GBE1: variants seen among roughly 807,000 people sequenced by gnomAD.
The protein encoded by GBE1 is 1,4-alpha-glucan-branching enzyme.
In GBE1, 70 loss-of-function variants were observed where a neutral mutation model predicts 88.8. The observed-to-expected ratio is 0.79, with a 90% CI of 0.65 to 0.96. The LOEUF (loss-of-function observed/expected upper bound fraction) is 0.96, where lower values mean the gene tolerates loss of function less well. Ranked by LOEUF, GBE1 falls within the 40% of genes least tolerant of loss-of-function variation. The probability of loss-of-function intolerance (pLI) is 0.00; values close to 1 mark genes in which losing one functional copy is unlikely to be tolerated. For missense variants in GBE1, 872 were observed against 871.0 expected, an observed-to-expected ratio of 1.00 and a Z score of -0.01; for synonymous variants, 284 against 300.1, an observed-to-expected ratio of 0.95 and a Z score of 0.56.
intron 7 of GBE1, among the ~76,000 whole-genome samples, chr3:81,633,166 G>A (rs145997480): frequency 6.6e-6 from 1 of 152,266 alleles, no homozygotes; most frequent in East Asian, 1.9e-4. Context: ...TTGTAGTTAT[G>A]TTTCAGAGAA....
intron 2 of GBE1, among the ~76,000 whole-genome samples, chr3:81,673,176 T>G (rs1705211651): frequency 6.6e-6 from 1 of 151,868 alleles, no homozygotes. Flanking sequence ...AATAAAAGCT[T>G]GGAATATAAA....
At chr3:81,542,427 A>G (rs1221171239) in intron 12 of GBE1, among the ~76,000 whole-genome samples, 1 of 152,122 alleles carries the variant, frequency 6.6e-6, no homozygotes, top group Non-Finnish European at 1.5e-5. Context: ...TCTAGGATCA[A>G]ACATTTCCCA....
intron 9 of GBE1, among the ~76,000 whole-genome samples, chr3:81,589,728 A>T (rs1210110234): frequency 6.6e-6 from 1 of 152,032 alleles, no homozygotes; most frequent in East Asian, 1.9e-4. Context: ...GCTGTCATTA[A>T]TTGTTTGTAG....
intron 15 of GBE1, among the ~76,000 whole-genome samples, chr3:81,495,655 C>T (rs962264102): frequency 6.6e-6 from 1 of 152,030 alleles, no homozygotes; most frequent in Non-Finnish European, 1.5e-5. Context: ...TGTATATTAG[C>T]TCATCTAACT....
chr3:81,518,130 A>G (rs1178211704), intron 14 of GBE1, among the ~76,000 whole-genome samples: 5 of 151,402 alleles, frequency 3.3e-5, no homozygotes, highest in Non-Finnish European at 7.4e-5. Flanking sequence ...TTACTAGGTG[A>G]TTATGCACTG....
chr3:81,607,472 T>C (rs1053109363), intron 7 of GBE1, among the ~76,000 whole-genome samples: 2 of 151,904 alleles, frequency 1.3e-5, no homozygotes, highest in Admixed American at 6.6e-5. Flanking sequence ...TCACTTGAAC[T>C]CGGGAGTCAG....
At chr3:81,644,569 C>A (rs541830506) in intron 6 of GBE1, among the ~76,000 whole-genome samples, 15 of 152,232 alleles carry the variant, frequency 9.9e-5, no homozygotes, top group African/African-American at 3.4e-4. Context: ...CCTTGGGAAC[C>A]AGTGTGAGGC....
chr3:81,648,539 C>T (rs942585895), intron 5 of GBE1, among the ~76,000 whole-genome samples: 3 of 152,006 alleles, frequency 2.0e-5, no homozygotes, highest in Admixed American at 6.5e-5. Context: ...TCAATAATCA[C>T]TTAAATTGAT....
At chr3:81,599,937 T>A (rs895783788) in intron 7 of GBE1, among the ~76,000 whole-genome samples, 1 of 152,210 alleles carries the variant, frequency 6.6e-6, no homozygotes, top group African/African-American at 2.4e-5. Context: ...CCTTTTTCAT[T>A]TTTCCCTTCT....
intron 1 of GBE1, among the ~76,000 whole-genome samples, chr3:81,730,635 G>A (rs560265212): frequency 6.6e-6 from 1 of 152,194 alleles, no homozygotes; most frequent in African/African-American, 2.4e-5. Flanking sequence ...CAGAAGCCAG[G>A]AGGACTGCTG....
At chr3:81,606,147 A>G (rs562287086) in intron 7 of GBE1, among the ~76,000 whole-genome samples, 1 of 152,194 alleles carries the variant, frequency 6.6e-6, no homozygotes, top group East Asian at 1.9e-4. Flanking sequence ...TGCGTTTACA[A>G]TGCTAGTGAT....
intron 7 of GBE1, among the ~76,000 whole-genome samples, chr3:81,624,323 T>TA (rs1704373881): frequency 6.6e-6 from 1 of 152,198 alleles, no homozygotes; most frequent in South Asian, 2.1e-4. Flanking sequence ...TTATGGGGAT[T>TA]ATGGAGATTA....
chr3:81,623,456 T>C (rs184259815), intron 7 of GBE1, among the ~76,000 whole-genome samples: 9 of 152,346 alleles, frequency 5.9e-5, no homozygotes, highest in African/African-American at 1.9e-4. Flanking sequence ...TTTTTCTTCA[T>C]AGTACTTGTT....
intron 7 of GBE1, among the ~76,000 whole-genome samples, chr3:81,615,918 C>G (rs1474778919): frequency 6.6e-6 from 1 of 152,084 alleles, no homozygotes; most frequent in Non-Finnish European, 1.5e-5. Context: ...CTTCTTGAAT[C>G]CTCACCAGCA....
rs1011392458 is a variant in GBE1, at chr3:81,490,275, T to G, written c.*132A>C. Reference sequence around the variant, plus strand: ...TTGCTGTATTTGCATAAACCAATATTGAATTTCAGACACTTGATGGCTTGG... The same window carrying G: ...TTGCTGTATTTGCATAAACCAATATGGAATTTCAGACACTTGATGGCTTGG... On this transcript the variant is annotated 3_prime_UTR_variant, in exon 16 of 16. Transcript: ENST00000429644. The G allele has an allele frequency of 9.4e-5, 71 of 751,690 alleles. No individual in the cohort carries two copies. Among genetic ancestry groups the G allele is most frequent in the Middle Eastern group, 8.7e-4 (3 of 3,452 alleles). The allele number at this position is 751,690 out of a possible 1,614,324, so 46.6% of individuals were successfully genotyped here.
In GBE1 at chr3:81,655,618, G is replaced by T. The variant is rs139405732; in HGVS notation, c.430-5697C>A. Among the ~76,000 whole-genome samples, 917 of 152,208 alleles carry T rather than the reference G, an allele frequency of 6.0e-3. 8 individuals carry two copies. The highest frequency in any genetic ancestry group is 0.021 in the African/African-American group (880 of 41,508). Reference sequence around the variant, plus strand: ...TGCAACCTCCACCTCCCAGGTTCAAGCAATTCTCCTGCCTCAGCCTCCTGA... The same window carrying T: ...TGCAACCTCCACCTCCCAGGTTCAATCAATTCTCCTGCCTCAGCCTCCTGA... On this transcript the variant is annotated intron_variant, in intron 3 of 15. Coordinates refer to ENST00000429644, the MANE Select transcript of GBE1 (RefSeq NM_000158.4).
intron 7 of GBE1, among the ~76,000 whole-genome samples, chr3:81,636,126 T>G (rs912993574): frequency 6.6e-6 from 1 of 152,200 alleles, no homozygotes; most frequent in African/African-American, 2.4e-5. Context: ...GAAGTTATAT[T>G]TCTACCATTC....
chr3:81,671,126 AATTT>A (rs2107115086), intron 2 of GBE1, 173 bp from the exon 3 acceptor site: 3 of 404,348 alleles, frequency 7.4e-6, no homozygotes, highest in South Asian at 1.8e-4. Flanking sequence ...GGTTATTCTT[AATTT>A]ATTTATAAAA....
intron 14 of GBE1, among the ~76,000 whole-genome samples, chr3:81,532,131 C>T (rs1314827040): frequency 6.6e-6 from 1 of 150,970 alleles, no homozygotes; most frequent in Non-Finnish European, 1.5e-5. Flanking sequence ...TCAAGACTGT[C>T]TTTCTTACCC....
Sources: gnomAD v4.1 joint callset for allele counts (sites outside exome capture counted in the v4.1 genomes callset) on GRCh38, gnomAD v4.1.1 for gene constraint, MANE v1.5 for transcripts, NCBI Gene and HGNC (gene_info 2026-07-23, HGNC 2026-07-21) for gene names.